JPH1: variants seen among roughly 807,000 people sequenced by gnomAD.
The protein encoded by JPH1 is junctophilin 1.
Under a neutral mutation model 53.6 loss-of-function variants are expected in JPH1, and 12 were observed. That is an observed-to-expected ratio of 0.22 (90% CI 0.14 to 0.36). JPH1 has a LOEUF of 0.36. Among genes scored for constraint, JPH1 ranks in the 10% least tolerant of loss-of-function variants. JPH1 has a pLI of 1.00. For missense variants in JPH1, 808 were observed against 905.5 expected, an observed-to-expected ratio of 0.89 and a Z score of 1.38; for synonymous variants, 375 against 363.8, an observed-to-expected ratio of 1.03 and a Z score of -0.35.
chr8:74,310,681 C>T (rs1219181055), intron 2 of JPH1, among the ~76,000 whole-genome samples: 2 of 152,136 alleles, frequency 1.3e-5, no homozygotes, highest in African/African-American at 2.4e-5. Flanking sequence ...TCCACAGATC[C>T]ACCATACTTT....
intron 2 of JPH1, among the ~76,000 whole-genome samples, chr8:74,272,904 G>A (rs1174973194): frequency 6.6e-6 from 1 of 151,800 alleles, no homozygotes; most frequent in African/African-American, 2.4e-5. Flanking sequence ...GCGCCCGGCC[G>A]GACCCTTAGT....
In JPH1 at chr8:74,244,646, T is replaced by C; in HGVS notation, c.1788A>G (p.Thr596=). Residue 596 remains threonine, a synonymous_variant, in exon 4 of 6, where the codon ACA becomes ACG. Coordinates refer to ENST00000342232, the MANE Select transcript of JPH1 (RefSeq NM_020647.4). ...ANKWSPSKSV[T]KPVAKESKAE... ...CTTTGCTTTCTTTGGCAACTGGTTT[T>C]GTCACAGATTTGGAGGGACTCCACT... is the stretch of plus-strand genomic sequence containing the variant. 1 of 1,614,240 alleles carries C rather than the reference T, an allele frequency of 6.2e-7. No individual in the cohort carries two copies. The highest frequency in any genetic ancestry group is 8.5e-7 in the Non-Finnish European group (1 of 1,180,046).
chr8:74,255,734 T>C (rs371933936), intron 3 of JPH1, among the ~76,000 whole-genome samples: 1,586 of 152,082 alleles, frequency 0.01, 8 homozygotes, highest in East Asian at 0.027. Flanking sequence ...GGGTGAAGGA[T>C]ATGAACAGAC....
chr8:74,239,480 C>T (rs1240378453), intron 4 of JPH1, among the ~76,000 whole-genome samples: 1 of 152,188 alleles, frequency 6.6e-6, no homozygotes, highest in Non-Finnish European at 1.5e-5. Context: ...ACCAACTGCT[C>T]TTTTAGAATA....
At chr8:74,237,358 A>C in intron 4 of JPH1, 55 bp from the exon 5 acceptor site, 2 of 1,356,114 alleles carry the variant, frequency 1.5e-6, no homozygotes, top group South Asian at 2.5e-5. Flanking sequence ...ATATCAAGAT[A>C]TTACCAAAGC....
intron 2 of JPH1, among the ~76,000 whole-genome samples, chr8:74,266,975 T>C (rs1369994135): frequency 6.6e-6 from 1 of 152,176 alleles, no homozygotes; most frequent in African/African-American, 2.4e-5. Flanking sequence ...AAGCCTGGCA[T>C]GGAGGCTGTC....
chr8:74,272,284 C>G (rs569652819), intron 2 of JPH1, among the ~76,000 whole-genome samples: 9 of 152,188 alleles, frequency 5.9e-5, no homozygotes, highest in Non-Finnish European at 4.4e-5. Context: ...TTATTTGCTA[C>G]TCTGGGCACA....
chr8:74,317,115 C>A (rs187442326), intron 1 of JPH1, among the ~76,000 whole-genome samples: 58 of 152,246 alleles, frequency 3.8e-4, no homozygotes, highest in Middle Eastern at 3.4e-3. Flanking sequence ...AAACACCGGG[C>A]AAAAATGCTA....
At chr8:74,253,453 A>G (rs1158613236) in intron 3 of JPH1, among the ~76,000 whole-genome samples, 2 of 152,142 alleles carry the variant, frequency 1.3e-5, no homozygotes, top group Non-Finnish European at 2.9e-5. Context: ...AAGATCTAAA[A>G]TTGACACCCT....
chr8:74,242,439 T>C (rs1451455688), intron 4 of JPH1, among the ~76,000 whole-genome samples: 1 of 152,218 alleles, frequency 6.6e-6, no homozygotes, highest in East Asian at 1.9e-4. Flanking sequence ...GTCACACAGC[T>C]GGTAAGCAAC....
intron 4 of JPH1, among the ~76,000 whole-genome samples, chr8:74,244,283 G>C (rs1805783090): frequency 6.6e-6 from 1 of 152,162 alleles, no homozygotes; most frequent in South Asian, 2.1e-4. Context: ...AAGCTGGTCA[G>C]GTCTTACCTA....
intron 2 of JPH1, among the ~76,000 whole-genome samples, chr8:74,303,793 C>T (rs1281778067): frequency 2.0e-5 from 3 of 152,084 alleles, no homozygotes; most frequent in Non-Finnish European, 2.9e-5. Flanking sequence ...CCTTACTGTC[C>T]CCATTCCCTA....
intron 2 of JPH1, among the ~76,000 whole-genome samples, chr8:74,288,226 G>A (rs1321843956): frequency 6.6e-6 from 1 of 152,194 alleles, no homozygotes; most frequent in Non-Finnish European, 1.5e-5. Flanking sequence ...CTTTGGCGAG[G>A]ACAGGTTTCA....
At position 74,312,759 on chromosome 8, in the gene JPH1, T is replaced by C. The variant is rs150720089; in HGVS notation, c.1139+2102A>G. 3.8e-4 allele frequency among the ~76,000 whole-genome samples: 58 copies of C among 152,338 alleles called. 1 individual carries two copies. Among genetic ancestry groups the C allele is most frequent in the African/African-American group, 1.4e-3 (57 of 41,578 alleles). On this transcript the variant is annotated intron_variant, in intron 2 of 5. Coordinates refer to ENST00000342232, the MANE Select transcript of JPH1 (RefSeq NM_020647.4). ...ACCATTTTAGATCAAGTCAGGTCAT[T>C]GCAGTATTTGATTAAGTGAGATCAT...
intron 2 of JPH1, among the ~76,000 whole-genome samples, chr8:74,303,595 A>T (rs1264634543): frequency 1.4e-4 from 22 of 151,990 alleles, no homozygotes; most frequent in Non-Finnish European, 1.6e-4. Flanking sequence ...CTATTTTTTT[A>T]TTTTTAGAGA....
chr8:74,249,285 A>G (rs141566609), intron 3 of JPH1, among the ~76,000 whole-genome samples: 1 of 152,360 alleles, frequency 6.6e-6, no homozygotes, highest in Non-Finnish European at 1.5e-5. Flanking sequence ...AGCAGTAGTC[A>G]TTAAGTAGAA....
At chr8:74,254,564 A>G (rs1806162119) in intron 3 of JPH1, among the ~76,000 whole-genome samples, 1 of 152,072 alleles carries the variant, frequency 6.6e-6, no homozygotes, top group African/African-American at 2.4e-5. Flanking sequence ...CAGGAGAAAG[A>G]AATAAAGGGC....
rs144810648 is a variant in JPH1 at position 74,245,003 on chromosome 8, A to T, written c.1431T>A (p.Ala477=). 3 of 1,613,848 alleles carry T rather than the reference A, an allele frequency of 1.9e-6. No homozygotes were observed. The African/African-American group carries it at 4.0e-5, about 22-fold the overall frequency. ...EASPKHSHSP[A]SSPKPLKKQN... ...GCTTCTTCAGGGGCTTTGGGGAGGAAGCAGGAGAGTGGCTGTGTTTGGGAC... is the reference window on the plus strand; with the variant it reads ...GCTTCTTCAGGGGCTTTGGGGAGGATGCAGGAGAGTGGCTGTGTTTGGGAC... The change falls in exon 4 of 6, where the codon GCT becomes GCA. Residue 477 remains alanine, a synonymous_variant. Coordinates refer to ENST00000342232, the MANE Select transcript of JPH1 (RefSeq NM_020647.4).
intron 2 of JPH1, among the ~76,000 whole-genome samples, chr8:74,292,195 GA>G (rs1374474113): frequency 1.3e-5 from 2 of 152,024 alleles, no homozygotes; most frequent in Non-Finnish European, 2.9e-5. Flanking sequence ...AAATTAAACA[GA>G]AAAAAACGTT....
Sources: allele counts gnomAD v4.1 joint callset (sites outside exome capture counted in the v4.1 genomes callset), GRCh38; gene constraint gnomAD v4.1.1; transcripts MANE v1.5; gene names NCBI Gene and HGNC (gene_info 2026-07-23, HGNC 2026-07-21).